The following NUBPL variants were observed in gnomAD, a reference collection of about 807,000 sequenced individuals.
NUBPL encodes the protein NUBP iron-sulfur cluster assembly factor, mitochondrial, also known as iron-sulfur cluster transfer protein NUBPL.
In NUBPL, 31 loss-of-function variants were observed where a neutral mutation model predicts 45.7. The ratio of observed to expected loss-of-function variants is 0.68; its 90% CI spans 0.51 to 0.92. NUBPL has a LOEUF of 0.92. Ranked by LOEUF, NUBPL falls within the 40% of genes least tolerant of loss-of-function variation. The pLI is 0.00. For synonymous variants in NUBPL, 144 were observed against 140.9 expected (o/e 1.02, Z -0.15); for missense variants, 401 against 398.7 (o/e 1.01, Z -0.05).
intron 2 of NUBPL, 70 bp from the exon 3 acceptor site, chr14:31,564,944 A>G (rs777485952): frequency 1.2e-5 from 10 of 804,776 alleles, no homozygotes; most frequent in Admixed American, 1.2e-4. Context: ...ACATGAAAAT[A>G]TTAAAAGATA....
chr14:31,644,174 C>G (rs2035782845), intron 4 of NUBPL, among the ~76,000 whole-genome samples: 1 of 151,720 alleles, frequency 6.6e-6, no homozygotes, highest in Admixed American at 6.6e-5. Context: ...TATTTCTTCC[C>G]TTCTGTTAAT....
chr14:31,743,870 T>C (rs2038339150), intron 6 of NUBPL, among the ~76,000 whole-genome samples: 1 of 152,100 alleles, frequency 6.6e-6, no homozygotes, highest in South Asian at 2.1e-4. Context: ...ATAGAAAATG[T>C]TGTTTAGTGT....
chr14:31,771,064 T>C (rs2039000651), intron 6 of NUBPL, among the ~76,000 whole-genome samples: 1 of 152,200 alleles, frequency 6.6e-6, no homozygotes, highest in African/African-American at 2.4e-5. Context: ...TACTTTGATT[T>C]AAATGATTAC....
chr14:31,585,721 TG>T (rs1309212307), intron 3 of NUBPL, among the ~76,000 whole-genome samples: 2 of 152,232 alleles, frequency 1.3e-5, no homozygotes, highest in Non-Finnish European at 2.9e-5. Flanking sequence ...TCTGTCTTTT[TG>T]ATTATAGTCA....
chr14:31,712,621 C>G (rs957960537), intron 6 of NUBPL, among the ~76,000 whole-genome samples: 37 of 152,244 alleles, frequency 2.4e-4, no homozygotes, highest in African/African-American at 8.0e-4. Context: ...CGAGTGCAGC[C>G]AGAGAGGATG....
intron 4 of NUBPL, among the ~76,000 whole-genome samples, chr14:31,664,284 G>A (rs762775602): frequency 6.6e-6 from 1 of 152,144 alleles, no homozygotes; most frequent in African/African-American, 2.4e-5. Flanking sequence ...GAGTAGGAGT[G>A]GTGAGAGAGG....
chr14:31,754,597 T>C (rs945952991), intron 6 of NUBPL, among the ~76,000 whole-genome samples: 3 of 142,034 alleles, frequency 2.1e-5, no homozygotes, highest in Admixed American at 6.9e-5. Flanking sequence ...TTTTCTTTTT[T>C]TTTTTTTTTT....
At chr14:31,729,680 C>G (rs1851749532) in intron 6 of NUBPL, among the ~76,000 whole-genome samples, 2 of 151,924 alleles carry the variant, frequency 1.3e-5, no homozygotes, top group African/African-American at 4.8e-5. Context: ...CATCTTAACA[C>G]TGTTATTTAT....
intron 4 of NUBPL, among the ~76,000 whole-genome samples, chr14:31,653,418 C>A (rs2036061214): frequency 2.0e-5 from 3 of 152,152 alleles, no homozygotes; most frequent in African/African-American, 7.2e-5. Context: ...GAATGCAATT[C>A]TTTTCCTAGG....
chr14:31,856,003 A>C (rs56020946), intron 10 of NUBPL, among the ~76,000 whole-genome samples: 28,608 of 152,224 alleles, frequency 0.19, 3,224 homozygotes, highest in East Asian at 0.49. Context: ...AGCTGTTTTC[A>C]TTAGTTGTAT....
At chr14:31,764,672 A>T (rs1007242779) in intron 6 of NUBPL, among the ~76,000 whole-genome samples, 1 of 152,196 alleles carries the variant, frequency 6.6e-6, no homozygotes, top group Non-Finnish European at 1.5e-5. Context: ...ATAATGACCA[A>T]TGTACTTAAA....
In NUBPL at chr14:31,609,457, A is replaced by C. The variant is rs574497485; in HGVS notation, c.382+10078A>C. Among the ~76,000 whole-genome samples, 20 of 152,288 alleles carry C rather than the reference A, an allele frequency of 1.3e-4. No individual in the cohort carries two copies. In the East Asian group the frequency reaches 2.1e-3, roughly 16 times the overall value. On this transcript the variant is annotated intron_variant, in intron 4 of 10. Transcript: ENST00000281081. ...ATTATCAGAGCTAAAGAAAGAGATAAAGCTCAATACAATAATACCTGGAGA... is the reference window on the plus strand; with the variant it reads ...ATTATCAGAGCTAAAGAAAGAGATACAGCTCAATACAATAATACCTGGAGA...
intron 4 of NUBPL, among the ~76,000 whole-genome samples, chr14:31,665,931 A>G (rs541647729): frequency 2.0e-5 from 3 of 152,134 alleles, no homozygotes; most frequent in East Asian, 3.9e-4. Context: ...GGGTGCATAT[A>G]TATTTAAGAT....
In NUBPL at chr14:31,645,774, A is replaced by ACCC. The variant is rs35803247; in HGVS notation, c.383-27572_383-27570dup. ...ATTTTTTAAAACTTCTATACTTTAC[A>ACCC]CCCCCCCCCCCACATTTTGACTTTT... is the stretch of plus-strand genomic sequence containing the variant. On this transcript the variant is annotated intron_variant, in intron 4 of 10. Transcript: ENST00000281081. Among the ~76,000 whole-genome samples the ACCC allele has an allele frequency of 4.0e-3, 332 of 82,774 alleles. 10 individuals carry two copies. The highest frequency in any genetic ancestry group is 7.8e-3 in the East Asian group (16 of 2,050). 54.3% of individuals were successfully genotyped at this position (82,774 alleles called of 152,430 possible).
At chr14:31,728,382 C>T (rs142889828) in intron 6 of NUBPL, among the ~76,000 whole-genome samples, 1 of 152,254 alleles carries the variant, frequency 6.6e-6, no homozygotes, top group African/African-American at 2.4e-5. Flanking sequence ...CATCCTCCTA[C>T]CTCAGCTTCC....
At chr14:31,858,120 C>A (rs10141101) in intron 10 of NUBPL, among the ~76,000 whole-genome samples, 1 of 152,146 alleles carries the variant, frequency 6.6e-6, no homozygotes, top group Non-Finnish European at 1.5e-5. Flanking sequence ...AGGAACAAGT[C>A]GTCTTACATG....
In NUBPL at chr14:31,573,554, A is replaced by G. The variant is rs142584836; in HGVS notation, c.291+8506A>G. 4.6e-4 allele frequency among the ~76,000 whole-genome samples: 70 copies of G among 152,212 alleles called. 1 individual carries two copies. The East Asian group carries it at 0.011, about 24-fold the overall frequency. ...CTCATGGAAGTCTGTCTACCTATCT[A>G]TGTTTTTTTGGTGGAATATAGCTGA... is the stretch of plus-strand genomic sequence containing the variant. On this transcript the variant is annotated intron_variant, in intron 3 of 10. Coordinates refer to ENST00000281081, the MANE Select transcript of NUBPL (RefSeq NM_025152.3).
chr14:31,776,381 G>T (rs2039098322), intron 6 of NUBPL, among the ~76,000 whole-genome samples: 1 of 152,132 alleles, frequency 6.6e-6, no homozygotes, highest in African/African-American at 2.4e-5. Context: ...AGATGAGTTT[G>T]CCTTCACACA....
At chr14:31,725,597 TTTGACTGCA>T (rs1314050105) in intron 6 of NUBPL, among the ~76,000 whole-genome samples, 1 of 152,202 alleles carries the variant, frequency 6.6e-6, no homozygotes, top group African/African-American at 2.4e-5. Flanking sequence ...GAAACAAATC[TTTGACTGCA>T]TTGACTGCAC....
Sources: allele counts gnomAD v4.1 joint callset (sites outside exome capture counted in the v4.1 genomes callset), GRCh38; gene constraint gnomAD v4.1.1; transcripts MANE v1.5; gene names NCBI Gene and HGNC (gene_info 2026-07-23, HGNC 2026-07-21).